ACVR1: variants seen among roughly 807,000 people sequenced by gnomAD.
ACVR1 encodes activin A receptor type 1.
A neutral mutation model predicts 57.1 loss-of-function variants in ACVR1; 38 were observed. The observed-to-expected ratio is 0.67, with a 90% CI of 0.51 to 0.87. The LOEUF (loss-of-function observed/expected upper bound fraction) is 0.87. Ranked by LOEUF, ACVR1 falls within the 40% of genes least tolerant of loss-of-function variation. The pLI, the probability that ACVR1 is intolerant of heterozygous loss-of-function variation, is 0.00. For missense variants in ACVR1, 463 were observed against 638.2 expected (o/e 0.73, Z 2.96); for synonymous variants, 212 against 228.1 (o/e 0.93, Z 0.63).
intron 3 of ACVR1, among the ~76,000 whole-genome samples, chr2:157,787,691 C>T (rs12988575): frequency 0.81 from 122,597 of 152,128 alleles, 49,568 homozygotes; most frequent in East Asian, 0.93. Flanking sequence ...AATCACTTTT[C>T]GTTGTTTCCC....
At chr2:157,814,182 A>G (rs1687852802) in intron 2 of ACVR1, among the ~76,000 whole-genome samples, 1 of 152,256 alleles carries the variant, frequency 6.6e-6, no homozygotes, top group Non-Finnish European at 1.5e-5. Context: ...CAACAAAGTA[A>G]TAATTATTTC....
At chr2:157,860,658 A>G (rs1689687952) in intron 1 of ACVR1, among the ~76,000 whole-genome samples, 1 of 152,218 alleles carries the variant, frequency 6.6e-6, no homozygotes, top group South Asian at 2.1e-4. Flanking sequence ...AGGTTTCAAG[A>G]AAGCTTCTTG....
At position 157,833,171 on chromosome 2, in the gene ACVR1, C is replaced by T. The variant is rs187476598; in HGVS notation, c.-182-14612G>A. Among the ~76,000 whole-genome samples the T allele has an allele frequency of 1.7e-4, 26 of 152,306 alleles. No homozygotes were observed. The East Asian group carries it at 4.8e-3, about 28-fold the overall frequency. ...CCTTCCTCAGGTAGAGGTGATACTACAGCCAGCTGAATTCTCTCAGAAGTT... is the reference window on the plus strand; with the variant it reads ...CCTTCCTCAGGTAGAGGTGATACTATAGCCAGCTGAATTCTCTCAGAAGTT... On this transcript the variant is annotated intron_variant, in intron 1 of 10. Transcript: ENST00000434821.
chr2:157,855,158 G>A (rs538361969), intron 1 of ACVR1, among the ~76,000 whole-genome samples: 1 of 151,110 alleles, frequency 6.6e-6, no homozygotes, highest in Admixed American at 6.6e-5. Flanking sequence ...GCTGACGCCT[G>A]TAATCTCAGC....
intron 9 of ACVR1, among the ~76,000 whole-genome samples, chr2:157,744,055 C>A (rs562085991): frequency 6.6e-6 from 1 of 152,282 alleles, no homozygotes; most frequent in African/African-American, 2.4e-5. Context: ...AGAATTCTCC[C>A]TTACAAGCCA....
At chr2:157,795,280 C>G (rs1035363217) in intron 3 of ACVR1, among the ~76,000 whole-genome samples, 5 of 151,802 alleles carry the variant, frequency 3.3e-5, no homozygotes, top group African/African-American at 1.2e-4. Context: ...TGCTTTTTAA[C>G]CAAGGTTGAG....
chr2:157,739,731 AATCC>A (rs1684680258), intron 9 of ACVR1, among the ~76,000 whole-genome samples: 1 of 152,222 alleles, frequency 6.6e-6, no homozygotes, highest in Admixed American at 6.5e-5. Context: ...CAACAGTGGG[AATCC>A]ATCCTTACAA....
intron 1 of ACVR1, among the ~76,000 whole-genome samples, chr2:157,819,013 G>A (rs1316558928): frequency 6.9e-6 from 1 of 143,890 alleles, no homozygotes; most frequent in Admixed American, 7.0e-5. Context: ...GGGAGGTGGA[G>A]CTTGCAGTGA....
rs1688914708 is a variant in ACVR1 at position 157,839,713 on chromosome 2, G to T, written c.-182-21154C>A. Reference sequence around the variant, plus strand: ...GCAGTGAACATCCCAAGGGCATCAGGAAAATCACTGGCTCCCTGCTTCTGG... The same window carrying T: ...GCAGTGAACATCCCAAGGGCATCAGTAAAATCACTGGCTCCCTGCTTCTGG... On this transcript the variant is annotated intron_variant, in intron 1 of 10. Transcript: ENST00000434821. Among the ~76,000 whole-genome samples, 4 of 152,184 alleles carry T rather than the reference G, an allele frequency of 2.6e-5. No homozygotes were observed. In the South Asian group the frequency reaches 8.3e-4, roughly 32 times the overall value.
intron 1 of ACVR1, among the ~76,000 whole-genome samples, chr2:157,820,646 G>A (rs1574107742): frequency 1.3e-5 from 2 of 149,626 alleles, no homozygotes; most frequent in East Asian, 3.9e-4. Flanking sequence ...CATCTTCACT[G>A]CATGGAACTC....
chr2:157,820,565 ACT>A (rs1006813363), intron 1 of ACVR1, among the ~76,000 whole-genome samples: 20 of 148,226 alleles, frequency 1.3e-4, no homozygotes, highest in African/African-American at 5.0e-4. Flanking sequence ...AAAATCAGAG[ACT>A]CTCTCTCTTT....
At chr2:157,862,339 A>C (rs999848852) in intron 1 of ACVR1, among the ~76,000 whole-genome samples, 8 of 151,908 alleles carry the variant, frequency 5.3e-5, no homozygotes, top group Non-Finnish European at 1.0e-4. Context: ...TGTACTCTCT[A>C]TAGTCATTCA....
chr2:157,738,486 A>G lies in ACVR1; in HGVS notation c.1349T>C (p.Val450Ala). ...SFEDMRKVVC[V>A]DQQRPNIPNR... The stretch of plus-strand genomic sequence containing the variant: ...GGGTATGTTTGGCCTTTGTTGATCC[A>G]CACAGACTACCTTCCTCATATCTTC... The change falls in exon 10 of 11, where the codon GTG becomes GCG. Residue 450 changes from valine to alanine, a missense_variant. Coordinates refer to ENST00000434821, the MANE Select transcript of ACVR1 (RefSeq NM_001111067.4). The G allele has an allele frequency of 1.2e-6, 2 of 1,614,154 alleles. No homozygotes were observed. The highest frequency in any genetic ancestry group is 1.7e-6 in the Non-Finnish European group (2 of 1,179,988).
At chr2:157,754,754 T>C (rs139133514) in intron 9 of ACVR1, among the ~76,000 whole-genome samples, 4,022 of 152,244 alleles carry the variant, frequency 0.026, 184 homozygotes, top group African/African-American at 0.09. Context: ...CCCTAAATCA[T>C]TCTATAAAGC....
At position 157,778,313 on chromosome 2, in the gene ACVR1, G is replaced by A. The variant is rs756858830; in HGVS notation, c.361C>T (p.His121Tyr). The change falls in exon 5 of 11, where the codon CAC (histidine) becomes TAC (tyrosine). Residue 121 changes from histidine (H) to tyrosine (Y), a missense_variant. By Grantham distance (83) the His-to-Tyr change is moderately conservative. Coordinates refer to ENST00000434821, the MANE Select transcript of ACVR1 (RefSeq NM_001111067.4). Reference sequence around the variant, plus strand: ...AGAATAATGAGGCCAACCTCCAAGTGGAAATTCTGTGTTCCAGGGAAGGAT... The same window carrying A: ...AGAATAATGAGGCCAACCTCCAAGTAGAAATTCTGTGTTCCAGGGAAGGAT... ...GKSFPGTQNF[H>Y]LEVGLIILSV... is the part of the protein sequence containing the mutation. 1.7e-5 allele frequency: 27 copies of A among 1,613,884 alleles called. No individual in the cohort carries two copies. Among genetic ancestry groups the A allele is most frequent in the Middle Eastern group, 1.6e-4 (1 of 6,084 alleles).
At chr2:157,851,015 ACTTAACAGATCTAT>A (rs1326840194) in intron 1 of ACVR1, among the ~76,000 whole-genome samples, 54 of 152,166 alleles carry the variant, frequency 3.5e-4, no homozygotes, top group Admixed American at 1.3e-4. Flanking sequence ...ATCCATCTTA[ACTTAACAGATCTAT>A]CTTAACAGAT....
intron 5 of ACVR1, among the ~76,000 whole-genome samples, chr2:157,777,188 T>C (rs1010682114): frequency 6.6e-6 from 1 of 152,186 alleles, no homozygotes; most frequent in Non-Finnish European, 1.5e-5. Context: ...AAAAGGTAAA[T>C]AGAAGGAGAT....
chr2:157,798,072 T>C (rs986693182), intron 3 of ACVR1, among the ~76,000 whole-genome samples: 1 of 152,204 alleles, frequency 6.6e-6, no homozygotes, highest in Non-Finnish European at 1.5e-5. Flanking sequence ...TCTGGTATTT[T>C]TGTTGTAACA....
At chr2:157,840,545 T>G (rs902908543) in intron 1 of ACVR1, among the ~76,000 whole-genome samples, 1 of 152,262 alleles carries the variant, frequency 6.6e-6, no homozygotes, top group Admixed American at 6.5e-5. Context: ...ATCTTGGCCA[T>G]TTTTGCAAGG....
Sources: gnomAD v4.1 joint callset for allele counts (sites outside exome capture counted in the v4.1 genomes callset) on GRCh38, gnomAD v4.1.1 for gene constraint, MANE v1.5 for transcripts, NCBI Gene and HGNC (gene_info 2026-07-23, HGNC 2026-07-21) for gene names.